GRIK2: variants seen among roughly 807,000 people sequenced by gnomAD.
GRIK2 encodes glutamate ionotropic receptor kainate type subunit 2.
GRIK2 carries 32 observed loss-of-function variants against 100.3 expected under a neutral mutation model. The observed-to-expected ratio is 0.32, with a 90% CI of 0.24 to 0.43. GRIK2 has a LOEUF of 0.43. Ranked by LOEUF, GRIK2 falls within the 20% of genes least tolerant of loss-of-function variation. The probability of loss-of-function intolerance (pLI) is 1.00; values close to 1 mark genes in which losing one functional copy is unlikely to be tolerated. For missense variants in GRIK2, 843 were observed against 1,114.9 expected, an observed-to-expected ratio of 0.76 and a Z score of 3.47; for synonymous variants, 417 against 389.4, an observed-to-expected ratio of 1.07 and a Z score of -0.83.
At chr6:101,999,123 A>G (rs1386898186) in intron 14 of GRIK2, among the ~76,000 whole-genome samples, 1 of 151,608 alleles carries the variant, frequency 6.6e-6, no homozygotes, top group East Asian at 1.9e-4. Flanking sequence ...ACAATACTAC[A>G]CTGTCTTGTT....
In GRIK2 at chr6:101,928,681, C is replaced by T. The variant is rs779233910; in HGVS notation, c.2085+49C>T. ...ATTTACAAATTAAAATGATAGAGCG[C>T]AAACTTCTCTCGATTCACAAATGTA... On this transcript the variant is annotated intron_variant, in intron 14 of 16. Transcript: ENST00000369134. 3 of 901,278 alleles carry T rather than the reference C, an allele frequency of 3.3e-6. No homozygotes were observed. In the Admixed American group the frequency reaches 5.2e-5, roughly 16 times the overall value. 55.8% of individuals were successfully genotyped at this position (901,278 alleles called of 1,614,324 possible). A position where few individuals can be genotyped will look rare whatever the true frequency, so the allele number is the denominator to read the frequency against.
At chr6:101,615,410 T>C (rs1257470829) in intron 2 of GRIK2, among the ~76,000 whole-genome samples, 2 of 151,746 alleles carry the variant, frequency 1.3e-5, no homozygotes, top group Non-Finnish European at 2.9e-5. Context: ...AATTAGATGA[T>C]AACTACACAG....
At chr6:101,518,205 A>T (rs1162463965) in intron 2 of GRIK2, among the ~76,000 whole-genome samples, 1 of 152,168 alleles carries the variant, frequency 6.6e-6, no homozygotes, top group Non-Finnish European at 1.5e-5. Context: ...GTGCTATGGC[A>T]AGTGTTTGCT....
chr6:101,813,089 A>G (rs1274460359), intron 9 of GRIK2, among the ~76,000 whole-genome samples: 1 of 152,038 alleles, frequency 6.6e-6, no homozygotes, highest in Non-Finnish European at 1.5e-5. Flanking sequence ...TAAATGTACT[A>G]TATATAGAGA....
chr6:101,909,371 G>T (rs1221503246), intron 12 of GRIK2, among the ~76,000 whole-genome samples: 3 of 83,528 alleles, frequency 3.6e-5, no homozygotes, highest in East Asian at 4.5e-4. Context: ...GGAAGATAGG[G>T]TTTTCTTTTT....
chr6:101,633,470 A>G (rs189713401), intron 4 of GRIK2, among the ~76,000 whole-genome samples: 5 of 152,240 alleles, frequency 3.3e-5, no homozygotes, highest in Middle Eastern at 3.4e-3. Context: ...ACTTCACAGG[A>G]TTGTTGTTGT....
chr6:102,032,215 C>T (rs1376884585), intron 14 of GRIK2, among the ~76,000 whole-genome samples: 2 of 151,208 alleles, frequency 1.3e-5, no homozygotes, highest in Admixed American at 1.3e-4. Context: ...AGAGATGCCT[C>T]CTTCCTTGAT....
intron 11 of GRIK2, among the ~76,000 whole-genome samples, chr6:101,881,117 A>G (rs933197840): frequency 6.6e-6 from 1 of 151,896 alleles, no homozygotes; most frequent in African/African-American, 2.4e-5. Context: ...TAATAACCAT[A>G]AAAAATTTTG....
intron 12 of GRIK2, among the ~76,000 whole-genome samples, chr6:101,916,669 A>C (rs2128467535): frequency 6.6e-6 from 1 of 151,740 alleles, no homozygotes; most frequent in South Asian, 2.1e-4. Flanking sequence ...TGTGCACTTC[A>C]GAGATACCTG....
At chr6:101,397,392 G>C (rs1485104636) in intron 1 of GRIK2, among the ~76,000 whole-genome samples, 1 of 152,226 alleles carries the variant, frequency 6.6e-6, no homozygotes, top group Non-Finnish European at 1.5e-5. Context: ...AACATGGACT[G>C]AAGGAGTCGC....
chr6:101,749,552 G>A (rs1003866838), intron 7 of GRIK2, among the ~76,000 whole-genome samples: 3 of 152,000 alleles, frequency 2.0e-5, no homozygotes, highest in Admixed American at 6.5e-5. Context: ...TGACATGTGC[G>A]TTTCCTTCCT....
intron 2 of GRIK2, among the ~76,000 whole-genome samples, chr6:101,555,567 A>C (rs1245374122): frequency 6.6e-6 from 1 of 152,162 alleles, no homozygotes; most frequent in African/African-American, 2.4e-5. Flanking sequence ...ATTTCATCTA[A>C]AATTTTATGT....
At chr6:101,757,592 A>G (rs1777216855) in intron 7 of GRIK2, among the ~76,000 whole-genome samples, 1 of 152,156 alleles carries the variant, frequency 6.6e-6, no homozygotes, top group Admixed American at 6.6e-5. Flanking sequence ...ACTGAGGTTC[A>G]AAGGGGATGA....
In GRIK2 at chr6:101,700,981, A is replaced by T. The variant is rs895712308; in HGVS notation, c.951+14628A>T. ...AGGAAGACTCTAGTGCTTTTCACCG[A>T]AGTGGGGCTATTGCAAAAGCAGGGA... On this transcript the variant is annotated intron_variant, in intron 7 of 16. Transcript: ENST00000369134. Among the ~76,000 whole-genome samples the T allele has an allele frequency of 2.0e-5, 3 of 152,284 alleles. No individual in the cohort carries two copies. In the South Asian group the frequency reaches 6.2e-4, roughly 32 times the overall value.
intron 14 of GRIK2, among the ~76,000 whole-genome samples, chr6:101,975,785 G>A (rs369409182): frequency 7.0e-5 from 7 of 100,256 alleles, no homozygotes; most frequent in African/African-American, 3.1e-4. Context: ...CTATCTGTCT[G>A]TCTGTCTGTC....
At chr6:101,480,533 C>G (rs1277544174) in intron 2 of GRIK2, among the ~76,000 whole-genome samples, 1 of 152,030 alleles carries the variant, frequency 6.6e-6, no homozygotes, top group African/African-American at 2.4e-5. Flanking sequence ...TGCTTTGTTG[C>G]TTTGGCTTTC....
chr6:102,044,172 A>G (rs1372044946), intron 15 of GRIK2, among the ~76,000 whole-genome samples: 2 of 152,074 alleles, frequency 1.3e-5, no homozygotes, highest in African/African-American at 2.4e-5. Flanking sequence ...ATATCAATCC[A>G]TAACATTTTA....
chr6:101,435,761 A>C (rs2787565), intron 2 of GRIK2, among the ~76,000 whole-genome samples: 93,573 of 151,912 alleles, frequency 0.62, 29,305 homozygotes, highest in East Asian at 0.93. Flanking sequence ...GACATTCTCC[A>C]TCTGACACTT....
intron 2 of GRIK2, among the ~76,000 whole-genome samples, chr6:101,579,788 T>C (rs1376547058): frequency 1.3e-5 from 2 of 150,634 alleles, no homozygotes; most frequent in African/African-American, 2.4e-5. Context: ...GAGGCGGAGG[T>C]TGCAGTGAGC....
Sources: allele counts gnomAD v4.1 joint callset (sites outside exome capture counted in the v4.1 genomes callset), GRCh38; gene constraint gnomAD v4.1.1; transcripts MANE v1.5; gene names NCBI Gene and HGNC (gene_info 2026-07-23, HGNC 2026-07-21).